Variants in ANKS1B observed in about 807,000 individuals in gnomAD.
ANKS1B encodes ankyrin repeat and sterile alpha motif domain-containing protein 1B.
A neutral mutation model predicts 148.3 loss-of-function variants in ANKS1B; 36 were observed. The observed-to-expected ratio is 0.24, with a 90% CI of 0.19 to 0.32. ANKS1B has a LOEUF of 0.32. Ranked by LOEUF, ANKS1B falls within the 10% of genes least tolerant of loss-of-function variation. The probability of loss-of-function intolerance (pLI) is 1.00; values close to 1 mark genes in which losing one functional copy is unlikely to be tolerated. For synonymous variants in ANKS1B, 542 were observed against 560.8 expected (o/e 0.97, Z 0.47); for missense variants, 1,157 against 1,542.6 (o/e 0.75, Z 4.19).
intron 9 of ANKS1B, among the ~76,000 whole-genome samples, chr12:99,614,002 G>C (rs554991241): frequency 5.3e-5 from 8 of 151,780 alleles, no homozygotes; most frequent in Non-Finnish European, 8.8e-5. Flanking sequence ...AGATTTAAAT[G>C]ATTCTTTGAT....
In ANKS1B at chr12:98,821,185, T is replaced by C. The variant is rs574137995; in HGVS notation, c.3066+7989A>G. On this transcript the variant is annotated intron_variant, in intron 19 of 26. Transcript: ENST00000683438. Reference sequence around the variant, plus strand: ...ACATCAGAGATGGGATTTTTCACCATGATCTCATTTCTTCAAACCTGGCAT... The same window carrying C: ...ACATCAGAGATGGGATTTTTCACCACGATCTCATTTCTTCAAACCTGGCAT... Among the ~76,000 whole-genome samples, 3 of 152,362 alleles carry C rather than the reference T, an allele frequency of 2.0e-5. No homozygotes were observed. The South Asian group carries it at 6.2e-4, about 32-fold the overall frequency.
At chr12:99,418,738 A>AAGTCTTCAT (rs1196460143) in intron 11 of ANKS1B, among the ~76,000 whole-genome samples, 2 of 152,182 alleles carry the variant, frequency 1.3e-5, no homozygotes, top group Admixed American at 6.5e-5. Flanking sequence ...CTTAGAAAGA[A>AAGTCTTCAT]AGTCTTCATG....
At chr12:99,091,037 G>A (rs2053819232) in intron 15 of ANKS1B, among the ~76,000 whole-genome samples, 1 of 151,968 alleles carries the variant, frequency 6.6e-6, no homozygotes, top group African/African-American at 2.4e-5. Context: ...AAAATTTCTT[G>A]CATACAACTT....
intron 17 of ANKS1B, among the ~76,000 whole-genome samples, chr12:98,919,977 G>T (rs1302399132): frequency 1.3e-5 from 2 of 152,184 alleles, no homozygotes; most frequent in African/African-American, 2.4e-5. Context: ...CTCTGAAAGT[G>T]ATGGTGTATT....
intron 1 of ANKS1B, among the ~76,000 whole-genome samples, chr12:99,956,680 T>G (rs1430081181): frequency 6.6e-6 from 1 of 152,214 alleles, no homozygotes; most frequent in Non-Finnish European, 1.5e-5. Flanking sequence ...ACAGCCAGTG[T>G]GCATCTGACT....
At chr12:99,325,749 A>G (rs1602960275) in intron 12 of ANKS1B, among the ~76,000 whole-genome samples, 1 of 152,118 alleles carries the variant, frequency 6.6e-6, no homozygotes, top group African/African-American at 2.4e-5. Context: ...GCATGGTTTT[A>G]TCAGTACGAT....
intron 17 of ANKS1B, among the ~76,000 whole-genome samples, chr12:98,934,769 T>C (rs143050096): frequency 1.3e-5 from 2 of 152,202 alleles, no homozygotes; most frequent in East Asian, 3.9e-4. Context: ...AGATAGTTCA[T>C]TGTTAGTGTA....
At chr12:98,799,535 G>C (rs186464418) in intron 21 of ANKS1B, among the ~76,000 whole-genome samples, 2 of 130,568 alleles carry the variant, frequency 1.5e-5, no homozygotes, top group Non-Finnish European at 3.2e-5. Context: ...ATGGGAGGGT[G>C]GGGGGAGGGA....
At chr12:98,860,705 C>T (rs761727050) in intron 17 of ANKS1B, among the ~76,000 whole-genome samples, 3 of 152,044 alleles carry the variant, frequency 2.0e-5, no homozygotes, top group Non-Finnish European at 4.4e-5. Context: ...GGGAACAACA[C>T]ACACTGGGGC....
chr12:99,189,976 AG>A (rs1319514720), intron 14 of ANKS1B, among the ~76,000 whole-genome samples: 1 of 152,224 alleles, frequency 6.6e-6, no homozygotes, highest in African/African-American at 2.4e-5. Context: ...TAAGCTGATA[AG>A]CAACTTCAGC....
intron 17 of ANKS1B, among the ~76,000 whole-genome samples, chr12:99,028,606 G>C (rs1033505425): frequency 6.6e-6 from 1 of 152,120 alleles, no homozygotes; most frequent in Non-Finnish European, 1.5e-5. Flanking sequence ...GCCTTTTACT[G>C]CTTAATTATT....
intron 17 of ANKS1B, among the ~76,000 whole-genome samples, chr12:98,963,011 C>T (rs2099874351): frequency 6.6e-6 from 1 of 151,894 alleles, no homozygotes; most frequent in Non-Finnish European, 1.5e-5. Flanking sequence ...TTCAAATAAA[C>T]AATGTAACAA....
At position 98,991,352 on chromosome 12, in the gene ANKS1B, G is replaced by A. The variant is rs369660653; in HGVS notation, c.2778+61805C>T. On this transcript the variant is annotated intron_variant, in intron 17 of 26. Transcript: ENST00000683438. ...GTACACAGAAGGGGACTTTTATCTT[G>A]TTAGGTTTTATTTCAGATATATAAT... Among the ~76,000 whole-genome samples the A allele has an allele frequency of 5.3e-5, 8 of 152,268 alleles. No homozygotes were observed. The South Asian group carries it at 1.7e-3, about 32-fold the overall frequency.
At chr12:99,436,708 G>A (rs2095466770) in intron 11 of ANKS1B, among the ~76,000 whole-genome samples, 1 of 152,026 alleles carries the variant, frequency 6.6e-6, no homozygotes, top group East Asian at 1.9e-4. Context: ...TTTATTGTTA[G>A]CTCATTAATC....
chr12:99,893,017 GCA>G (rs2093193679), intron 1 of ANKS1B, among the ~76,000 whole-genome samples: 1 of 152,040 alleles, frequency 6.6e-6, no homozygotes, highest in Admixed American at 6.6e-5. Flanking sequence ...CTTCACCCAC[GCA>G]CACAGAGTTC....
chr12:98,773,876 T>C (rs1193597310), intron 24 of ANKS1B, among the ~76,000 whole-genome samples: 1 of 152,190 alleles, frequency 6.6e-6, no homozygotes, highest in Non-Finnish European at 1.5e-5. Flanking sequence ...TCTGTCGCTT[T>C]CTCTGTATGA....
At chr12:99,637,354 T>C (rs901460265) in intron 9 of ANKS1B, among the ~76,000 whole-genome samples, 3 of 152,116 alleles carry the variant, frequency 2.0e-5, no homozygotes, top group Non-Finnish European at 2.9e-5. Flanking sequence ...TTTGGCTGTG[T>C]CCCCACCCAA....
intron 12 of ANKS1B, among the ~76,000 whole-genome samples, chr12:99,331,685 G>A (rs899749010): frequency 6.6e-6 from 1 of 151,938 alleles, no homozygotes; most frequent in Admixed American, 6.6e-5. Context: ...AACTATTTTG[G>A]GTTAAAATGA....
intron 14 of ANKS1B, among the ~76,000 whole-genome samples, chr12:99,167,517 T>C (rs1449570151): frequency 6.6e-6 from 1 of 152,074 alleles, no homozygotes; most frequent in African/African-American, 2.4e-5. Flanking sequence ...CAAATGAAAA[T>C]GACAATTAGA....
Sources: allele counts gnomAD v4.1 joint callset (sites outside exome capture counted in the v4.1 genomes callset), GRCh38; gene constraint gnomAD v4.1.1; transcripts MANE v1.5; gene names NCBI Gene and HGNC (gene_info 2026-07-23, HGNC 2026-07-21).